The following MARCHF1 variants were observed in gnomAD, a reference collection of about 807,000 sequenced individuals.
MARCHF1 encodes membrane associated ring-CH-type finger 1, also known as E3 ubiquitin-protein ligase MARCHF1.
MARCHF1 carries 40 observed loss-of-function variants against 54.2 expected under a neutral mutation model. The ratio of observed to expected loss-of-function variants is 0.74; its 90% confidence interval spans 0.57 to 0.96. MARCHF1 has a LOEUF of 0.96. Ranked by LOEUF, MARCHF1 falls within the 40% of genes least tolerant of loss-of-function variation. MARCHF1 has a pLI of 0.00. For missense variants in MARCHF1, 586 were observed against 656.5 expected (o/e 0.89, Z 1.17); for synonymous variants, 236 against 236.3 (o/e 1.00, Z 0.01).
chr4:164,333,424 T>C (rs1253594906), intron 1 of MARCHF1, among the ~76,000 whole-genome samples: 1 of 152,196 alleles, frequency 6.6e-6, no homozygotes. Flanking sequence ...TTTACCACAT[T>C]ATGCTAATTC....
chr4:163,621,827 G>C (rs1741704875), intron 5 of MARCHF1, among the ~76,000 whole-genome samples: 1 of 152,068 alleles, frequency 6.6e-6, no homozygotes, highest in Non-Finnish European at 1.5e-5. Flanking sequence ...AGAGGGTGTG[G>C]GGGTAGAGAA....
rs1357972945 is a variant in MARCHF1 at position 163,527,569 on chromosome 4, G to GAAC, written c.*1176_*1178dup. The GAAC allele has an allele frequency of 3.9e-5, 6 of 151,944 alleles. 1 individual carries two copies. Among genetic ancestry groups the GAAC allele is most frequent in the Admixed American group, 2.0e-4 (3 of 15,222 alleles). 9.4% of individuals were successfully genotyped at this position (151,944 alleles called of 1,614,324 possible). ...TTGGATTTTTACCCTTTAGAGATGTGAACTTCATCTGACTTTAAAATGAGG... is the reference window on the plus strand; with the variant it reads ...TTGGATTTTTACCCTTTAGAGATGTGAACAACTTCATCTGACTTTAAAATGAGG... On this transcript the variant is annotated 3_prime_UTR_variant, in exon 10 of 10. Coordinates refer to ENST00000514618, the MANE Select transcript of MARCHF1 (RefSeq NM_001394959.1).
chr4:163,716,520 C>G (rs995825015), intron 4 of MARCHF1, among the ~76,000 whole-genome samples: 1 of 152,180 alleles, frequency 6.6e-6, no homozygotes, highest in Non-Finnish European at 1.5e-5. Context: ...AACTTACAAA[C>G]AGGTATAGAG....
chr4:164,117,118 C>T (rs568251531), intron 1 of MARCHF1, among the ~76,000 whole-genome samples: 3 of 151,932 alleles, frequency 2.0e-5, no homozygotes, highest in Admixed American at 6.5e-5. Flanking sequence ...ATTAGCCAGA[C>T]GTGGTTGTGC....
chr4:164,089,223 C>T (rs184140767), intron 2 of MARCHF1, among the ~76,000 whole-genome samples: 81 of 152,008 alleles, frequency 5.3e-4, no homozygotes, highest in Admixed American at 9.2e-4. Context: ...CATGAAAATA[C>T]GACATTGAAT....
At chr4:163,712,652 A>G (rs571814107) in intron 4 of MARCHF1, among the ~76,000 whole-genome samples, 1 of 152,274 alleles carries the variant, frequency 6.6e-6, no homozygotes, top group African/African-American at 2.4e-5. Flanking sequence ...TGAAATTTTA[A>G]TCTTTGGATG....
chr4:163,990,203 A>T (rs984198992), intron 2 of MARCHF1, among the ~76,000 whole-genome samples: 2 of 152,184 alleles, frequency 1.3e-5, no homozygotes, highest in African/African-American at 4.8e-5. Flanking sequence ...ATATGTTTTC[A>T]TTTCAACCTA....
At chr4:163,995,898 G>A (rs979930091) in intron 2 of MARCHF1, among the ~76,000 whole-genome samples, 1 of 151,930 alleles carries the variant, frequency 6.6e-6, no homozygotes. Flanking sequence ...GCATAGGTAT[G>A]TTTTAAGTAA....
At chr4:164,344,210 C>G (rs1288276348) in intron 1 of MARCHF1, among the ~76,000 whole-genome samples, 3 of 152,008 alleles carry the variant, frequency 2.0e-5, no homozygotes, top group Non-Finnish European at 4.4e-5. Flanking sequence ...ACAGCAGACA[C>G]CAGGACCTAC....
chr4:164,110,758 A>C (rs1472556983), intron 2 of MARCHF1, among the ~76,000 whole-genome samples: 4 of 151,464 alleles, frequency 2.6e-5, no homozygotes. Flanking sequence ...TACCTGTATT[A>C]CATTCTCTTA....
chr4:163,659,803 T>C lies in MARCHF1; in HGVS notation c.162+41010A>G, dbSNP rs1743281471. ...AGCCAACAAACATACGGAAAAAAGC[T>C]GACCATCACTGGTCATTTGAGAAAT... On this transcript the variant is annotated intron_variant, in intron 5 of 9. Transcript: ENST00000514618. Among the ~76,000 whole-genome samples the C allele has an allele frequency of 2.6e-5, 4 of 152,078 alleles. No individual in the cohort carries two copies. The South Asian group carries it at 8.3e-4, about 31-fold the overall frequency.
At chr4:163,545,458 G>T in intron 9 of MARCHF1, 138 bp downstream of exon 9, 1 of 711,820 alleles carries the variant, frequency 1.4e-6, no homozygotes, top group South Asian at 2.3e-5. Context: ...ACATGATTAG[G>T]GAAGAATCAA....
At chr4:163,667,230 A>G (rs1205907388) in intron 5 of MARCHF1, among the ~76,000 whole-genome samples, 1 of 152,126 alleles carries the variant, frequency 6.6e-6, no homozygotes, top group Non-Finnish European at 1.5e-5. Flanking sequence ...GGCAAAAAGA[A>G]GTTGTGCTGG....
intron 4 of MARCHF1, among the ~76,000 whole-genome samples, chr4:163,785,768 C>T (rs1747600436): frequency 6.6e-6 from 1 of 151,748 alleles, no homozygotes; most frequent in Admixed American, 6.6e-5. Flanking sequence ...GGATAATGGC[C>T]ACCTAGAAAA....
intron 2 of MARCHF1, among the ~76,000 whole-genome samples, chr4:163,994,814 G>A (rs1461144264): frequency 6.9e-6 from 1 of 145,592 alleles, no homozygotes; most frequent in Non-Finnish European, 1.5e-5. Context: ...GCATTATTTT[G>A]GATTCCTAAA....
At chr4:164,247,643 TAA>T (rs1351738709) in intron 1 of MARCHF1, among the ~76,000 whole-genome samples, 3 of 113,360 alleles carry the variant, frequency 2.6e-5, no homozygotes, top group South Asian at 2.8e-4. Context: ...AAAAAGAAAG[TAA>T]AAAAAAAAAA....
At chr4:164,043,056 G>A (rs948438777) in intron 2 of MARCHF1, among the ~76,000 whole-genome samples, 11 of 152,350 alleles carry the variant, frequency 7.2e-5, no homozygotes, top group Non-Finnish European at 1.0e-4. Context: ...ATGGGCTGGC[G>A]TTGAGTGCCG....
intron 3 of MARCHF1, among the ~76,000 whole-genome samples, chr4:163,898,182 C>G (rs1478447988): frequency 1.4e-5 from 2 of 147,996 alleles, no homozygotes; most frequent in Non-Finnish European, 3.0e-5. Flanking sequence ...AAAACAAAAA[C>G]AGACAAATGA....
Position 163,528,832 on chromosome 4 carries a change from A to C in MARCHF1, c.1554T>G (p.Asp518Glu), listed in dbSNP as rs774958323. 2.4e-5 allele frequency: 39 copies of C among 1,613,124 alleles called. No individual in the cohort carries two copies. The highest frequency in any genetic ancestry group is 1.2e-4 in the Admixed American group (7 of 59,862). ...TTTGTGGTACAGGCACTACCACAGC[A>C]TCTTTGATGTCTGTGTTTACATTAC... ...FSCNVNTDIK[D>E]AVVVPVPQTG... The change falls in exon 10 of 10, where the codon GAT (aspartate) becomes GAG (glutamate). Residue 518 changes from aspartate (D) to glutamate (E), a missense_variant. Asp to Glu is a conservative substitution (Grantham distance 45). Coordinates refer to ENST00000514618, the MANE Select transcript of MARCHF1 (RefSeq NM_001394959.1).
Sources: gnomAD v4.1 joint callset for allele counts (sites outside exome capture counted in the v4.1 genomes callset) on GRCh38, gnomAD v4.1.1 for gene constraint, MANE v1.5 for transcripts, NCBI Gene and HGNC (gene_info 2026-07-23, HGNC 2026-07-21) for gene names.